The following SYT14 variants were observed in gnomAD, a reference collection of about 807,000 sequenced individuals.
The protein encoded by SYT14 is synaptotagmin-14.
In SYT14, 32 loss-of-function variants were observed where a neutral mutation model predicts 74.2. The observed-to-expected ratio is 0.43, with a 90% CI of 0.33 to 0.58. The LOEUF is 0.58. SYT14 is among the 20% of genes least tolerant of loss of function. The pLI is 0.05. For missense variants in SYT14, 791 were observed against 981.8 expected (o/e 0.81, Z 2.60); for synonymous variants, 298 against 337.7 (o/e 0.88, Z 1.29).
chr1:210,053,106 A>G (rs2081033197), intron 5 of SYT14, among the ~76,000 whole-genome samples: 1 of 152,226 alleles, frequency 6.6e-6, no homozygotes, highest in Non-Finnish European at 1.5e-5. Context: ...TCCATACAAT[A>G]TCAATATAGA....
intron 7 of SYT14, among the ~76,000 whole-genome samples, chr1:210,132,391 AT>A (rs1190769264): frequency 6.6e-6 from 1 of 151,648 alleles, no homozygotes; most frequent in Non-Finnish European, 1.5e-5. Flanking sequence ...GACATAATTG[AT>A]TTTTTTTAAC....
intron 2 of SYT14, among the ~76,000 whole-genome samples, chr1:209,997,910 T>G (rs2079827047): frequency 6.6e-6 from 1 of 152,202 alleles, no homozygotes; most frequent in African/African-American, 2.4e-5. Flanking sequence ...TTCAACATTC[T>G]TCTTTGGTGA....
At chr1:210,049,389 C>CT (rs112176538) in intron 5 of SYT14, among the ~76,000 whole-genome samples, 18,615 of 135,916 alleles carry the variant, frequency 0.14, 3,668 homozygotes, top group African/African-American at 0.44. Context: ...AACACCAATT[C>CT]TTTTTTTTTT....
At chr1:209,999,387 G>C (rs2079852974) in intron 2 of SYT14, among the ~76,000 whole-genome samples, 5 of 152,066 alleles carry the variant, frequency 3.3e-5, no homozygotes, top group Admixed American at 2.6e-4. Context: ...ATACAATCCA[G>C]AAATCCTTCT....
intron 2 of SYT14, among the ~76,000 whole-genome samples, chr1:209,979,964 A>C (rs1201456185): frequency 2.6e-5 from 4 of 152,244 alleles, no homozygotes; most frequent in African/African-American, 9.6e-5. Context: ...CTTTGGGCAT[A>C]TACCCAGTAA....
chr1:210,044,950 T>G (rs1266604124), intron 5 of SYT14, among the ~76,000 whole-genome samples: 2 of 151,802 alleles, frequency 1.3e-5, no homozygotes, highest in African/African-American at 2.4e-5. Context: ...TACTAAACCA[T>G]TCATGAAGGA....
chr1:210,015,471 T>C lies in SYT14; in HGVS notation c.-320-213T>C, dbSNP rs546471603. 2.0e-4 allele frequency among the ~76,000 whole-genome samples: 31 copies of C among 152,302 alleles called. 1 individual carries two copies. The South Asian group carries it at 6.2e-3, about 31-fold the overall frequency. On this transcript the variant is annotated intron_variant, in intron 3 of 9. Coordinates refer to ENST00000637265, the Ensembl canonical transcript of SYT14. ...ATAAAATGTGTCAATTACAATGCCT[T>C]GCATATAGTAGCCACTCAGCAGGTG...
intron 5 of SYT14, among the ~76,000 whole-genome samples, chr1:210,026,605 T>TACACAC (rs368072216): frequency 0.17 from 23,021 of 138,142 alleles, 2,208 homozygotes; most frequent in Non-Finnish European, 0.21. Context: ...GTATATAGCT[T>TACACAC]ACACACACAC....
At chr1:210,074,990 A>G (rs2081464544) in intron 5 of SYT14, among the ~76,000 whole-genome samples, 1 of 152,344 alleles carries the variant, frequency 6.6e-6, no homozygotes, top group East Asian at 1.9e-4. Context: ...TGGAAGAATC[A>G]GATTACACGT....
At position 210,163,192 on chromosome 1, in the gene SYT14, A is replaced by G. The variant is rs753831003; in HGVS notation, c.*2150A>G. 5 of 453,706 alleles carry G rather than the reference A, an allele frequency of 1.1e-5. 1 individual carries two copies. Among genetic ancestry groups the G allele is most frequent in the South Asian group, 7.8e-5 (5 of 64,466 alleles). The allele number at this position is 453,706 out of a possible 1,614,324, so 28.1% of individuals were successfully genotyped here. A position where few individuals can be genotyped will look rare whatever the true frequency, so the allele number is the denominator to read the frequency against. ...GTAACAGAGCTTAGTGAAACACATT[A>G]GTAAGACCAGCTTGGTGCTTTCACT... On this transcript the variant is annotated 3_prime_UTR_variant, in exon 10 of 10. Transcript: ENST00000637265.
chr1:210,159,327 G>T (rs570462156), intron 8 of SYT14, 94 bp from the exon 8 acceptor site: 1 of 1,218,928 alleles, frequency 8.2e-7, no homozygotes, highest in Admixed American at 2.0e-5. Flanking sequence ...AGTGAACAGT[G>T]TTTCCTCTTT....
chr1:210,142,049 A>G (rs769615592), intron 7 of SYT14, among the ~76,000 whole-genome samples: 6 of 152,264 alleles, frequency 3.9e-5, no homozygotes, highest in Non-Finnish European at 8.8e-5. Context: ...CTAAGGATAT[A>G]GTTCTTATCA....
intron 5 of SYT14, among the ~76,000 whole-genome samples, chr1:210,038,250 G>A (rs867510083): frequency 9.2e-5 from 14 of 151,828 alleles, no homozygotes; most frequent in Non-Finnish European, 1.8e-4. Context: ...ACTCACTTTT[G>A]GCTTCCATTT....
intron 7 of SYT14, among the ~76,000 whole-genome samples, chr1:210,149,520 G>C (rs1453572420): frequency 6.6e-6 from 1 of 152,008 alleles, no homozygotes; most frequent in Non-Finnish European, 1.5e-5. Context: ...ATTTCCACAT[G>C]ATGCTATGGT....
intron 7 of SYT14, among the ~76,000 whole-genome samples, chr1:210,149,965 C>G (rs2083125339): frequency 1.3e-5 from 2 of 152,184 alleles, no homozygotes; most frequent in South Asian, 4.1e-4. Context: ...TTCTGCCTAG[C>G]ATTCATATCT....
chr1:210,030,611 T>G (rs78215236), intron 5 of SYT14, among the ~76,000 whole-genome samples: 4 of 152,334 alleles, frequency 2.6e-5, no homozygotes, highest in East Asian at 3.9e-4. Flanking sequence ...GCTAGGACTT[T>G]CAGTACTATT....
chr1:209,950,192 G>C (rs139612129), intron 1 of SYT14, among the ~76,000 whole-genome samples: 340 of 152,246 alleles, frequency 2.2e-3, no homozygotes, highest in African/African-American at 7.7e-3. Flanking sequence ...TGATTTAACT[G>C]TGTAACTCAA....
intron 2 of SYT14, among the ~76,000 whole-genome samples, chr1:209,963,929 A>G (rs998861846): frequency 6.6e-6 from 1 of 152,210 alleles, no homozygotes; most frequent in African/African-American, 2.4e-5. Context: ...CTGATCAGCC[A>G]GCTATACAAT....
At chr1:209,970,301 C>G (rs1486827616) in intron 2 of SYT14, among the ~76,000 whole-genome samples, 1 of 152,084 alleles carries the variant, frequency 6.6e-6, no homozygotes, top group Non-Finnish European at 1.5e-5. Context: ...TTTTCCAGCT[C>G]CATTTATGAA....
Sources: allele counts gnomAD v4.1 joint callset (sites outside exome capture counted in the v4.1 genomes callset), GRCh38; gene constraint gnomAD v4.1.1; transcripts MANE v1.5; gene names NCBI Gene and HGNC (gene_info 2026-07-23, HGNC 2026-07-21).